The following CCSER1 variants were observed in gnomAD, a reference collection of about 807,000 sequenced individuals.
CCSER1 encodes serine-rich coiled-coil domain-containing protein 1.
CCSER1 carries 41 observed loss-of-function variants against 82.0 expected under a neutral mutation model. The observed-to-expected ratio is 0.50, with a 90% CI of 0.39 to 0.65. The LOEUF (loss-of-function observed/expected upper bound fraction) is 0.65. Ranked by LOEUF, CCSER1 falls within the 30% of genes least tolerant of loss-of-function variation. The pLI is 0.00. For synonymous variants in CCSER1, 414 were observed against 383.9 expected (o/e 1.08, Z -0.92); for missense variants, 1,119 against 1,064.2 (o/e 1.05, Z -0.72).
intron 10 of CCSER1, among the ~76,000 whole-genome samples, chr4:91,524,278 T>A (rs2110150522): frequency 6.6e-6 from 1 of 152,332 alleles, no homozygotes; most frequent in East Asian, 1.9e-4. Flanking sequence ...CATCTCTTTT[T>A]TTGAAGGAGT....
intron 8 of CCSER1, among the ~76,000 whole-genome samples, chr4:90,891,448 T>G (rs1476891655): frequency 2.6e-5 from 4 of 151,692 alleles, no homozygotes; most frequent in Admixed American, 2.6e-4. Flanking sequence ...ATCTAATTTT[T>G]AAATTATTTA....
chr4:91,526,735 C>G (rs903628542), intron 10 of CCSER1, among the ~76,000 whole-genome samples: 2 of 152,124 alleles, frequency 1.3e-5, no homozygotes, highest in Non-Finnish European at 2.9e-5. Flanking sequence ...GCTGGGATTA[C>G]AGGTGCCCGC....
In CCSER1 at chr4:90,341,057, G is replaced by A. The variant is rs1318932823; in HGVS notation, c.1509+28010G>A. The stretch of plus-strand genomic sequence containing the variant: ...GCTGTAAAGAGAGCTGTGATATAAT[G>A]TGGGAGAAATTGAAATTATTATAAA... On this transcript the variant is annotated intron_variant, in intron 3 of 10. Coordinates refer to ENST00000509176, the MANE Select transcript of CCSER1 (RefSeq NM_001145065.2). Among the ~76,000 whole-genome samples, 3 of 152,100 alleles carry A rather than the reference G, an allele frequency of 2.0e-5. No individual in the cohort carries two copies. In the East Asian group the frequency reaches 5.8e-4, roughly 29 times the overall value.
intron 5 of CCSER1, among the ~76,000 whole-genome samples, chr4:90,578,105 T>A (rs1353702047): frequency 6.6e-6 from 1 of 152,120 alleles, no homozygotes; most frequent in Non-Finnish European, 1.5e-5. Context: ...TCATACAACT[T>A]GGGAATAAAA....
intron 10 of CCSER1, among the ~76,000 whole-genome samples, chr4:91,103,659 T>G (rs995403717): frequency 1.4e-4 from 21 of 152,160 alleles, no homozygotes; most frequent in Non-Finnish European, 2.8e-4. Flanking sequence ...GTCTTTAATC[T>G]CTTAATCCTG....
chr4:90,842,051 A>G (rs1485795801), intron 8 of CCSER1, among the ~76,000 whole-genome samples: 2 of 152,118 alleles, frequency 1.3e-5, no homozygotes, highest in African/African-American at 4.8e-5. Context: ...ATTAAAAAAC[A>G]CAGCTTGGCA....
chr4:90,910,055 G>A (rs1407318081), intron 8 of CCSER1, among the ~76,000 whole-genome samples: 1 of 152,138 alleles, frequency 6.6e-6, no homozygotes, highest in East Asian at 1.9e-4. Context: ...TGCTCATGAT[G>A]GAAGGAGAAG....
intron 7 of CCSER1, among the ~76,000 whole-genome samples, chr4:90,795,094 G>C (rs1445407714): frequency 6.6e-6 from 1 of 152,012 alleles, no homozygotes; most frequent in African/African-American, 2.4e-5. Context: ...TTCGAGACCA[G>C]CCTGGCCAAC....
intron 8 of CCSER1, among the ~76,000 whole-genome samples, chr4:90,899,991 T>G (rs1294073432): frequency 6.6e-6 from 1 of 151,910 alleles, no homozygotes; most frequent in Non-Finnish European, 1.5e-5. Flanking sequence ...TCCCCCCTCC[T>G]TGTTTGTTTT....
chr4:90,361,059 T>C (rs937599193), intron 3 of CCSER1, among the ~76,000 whole-genome samples: 7 of 152,180 alleles, frequency 4.6e-5, no homozygotes, highest in Non-Finnish European at 1.0e-4. Flanking sequence ...TAGGTGACAT[T>C]ATCTAAACAT....
intron 9 of CCSER1, among the ~76,000 whole-genome samples, chr4:91,016,053 CTG>C (rs1713419384): frequency 6.6e-6 from 1 of 151,978 alleles, no homozygotes; most frequent in Non-Finnish European, 1.5e-5. Context: ...CACGAGTTCT[CTG>C]TCTACATTTA....
At chr4:91,237,383 T>TTA (rs200109064) in intron 10 of CCSER1, among the ~76,000 whole-genome samples, 156 of 150,214 alleles carry the variant, frequency 1.0e-3, no homozygotes, top group African/African-American at 2.9e-3. Context: ...AAATTTGCCT[T>TTA]TATATATATA....
rs547319138 is a variant in CCSER1 at position 91,488,020 on chromosome 4, T to C, written c.2218-110552T>C. On this transcript the variant is annotated intron_variant, in intron 10 of 10. Coordinates refer to ENST00000509176, the MANE Select transcript of CCSER1 (RefSeq NM_001145065.2). ...ATACGATCATTTGAAATGATTGTGA[T>C]TTAAGAAATATTTTATAGAAAGCAT... Among the ~76,000 whole-genome samples the C allele has an allele frequency of 9.2e-5, 14 of 152,220 alleles. No homozygotes were observed. In the South Asian group the frequency reaches 1.2e-3, roughly 14 times the overall value.
At chr4:90,868,386 C>T (rs977313796) in intron 8 of CCSER1, among the ~76,000 whole-genome samples, 2 of 152,012 alleles carry the variant, frequency 1.3e-5, no homozygotes, top group Admixed American at 1.3e-4. Context: ...CATCTTCCTA[C>T]TCTCTATCTC....
At chr4:91,224,807 A>T (rs569234064) in intron 10 of CCSER1, among the ~76,000 whole-genome samples, 3 of 151,416 alleles carry the variant, frequency 2.0e-5, no homozygotes, top group African/African-American at 7.3e-5. Context: ...CATTGTTACT[A>T]TTTTTTTTAA....
chr4:90,898,269 CT>C (rs70963094), intron 8 of CCSER1, among the ~76,000 whole-genome samples: 147 of 52,506 alleles, frequency 2.8e-3, no homozygotes, highest in African/African-American at 7.8e-3. Context: ...TTTAATCCAT[CT>C]TTTTTTTTTT....
intron 10 of CCSER1, among the ~76,000 whole-genome samples, chr4:91,171,839 A>G (rs1029383236): frequency 6.6e-6 from 1 of 151,270 alleles, no homozygotes; most frequent in African/African-American, 2.5e-5. Flanking sequence ...ACCATGAAAA[A>G]TAATAATTTT....
intron 10 of CCSER1, among the ~76,000 whole-genome samples, chr4:91,110,010 T>G (rs1340283284): frequency 6.6e-6 from 1 of 152,088 alleles, no homozygotes; most frequent in Non-Finnish European, 1.5e-5. Context: ...TTTTGGAGCT[T>G]CTTATACAAG....
intron 1 of CCSER1, among the ~76,000 whole-genome samples, chr4:90,133,067 T>C (rs1578127461): frequency 6.6e-6 from 1 of 152,184 alleles, no homozygotes; most frequent in East Asian, 1.9e-4. Context: ...CTCTGTGTGA[T>C]TCTTATGCAC....
Sources: gnomAD v4.1 joint callset for allele counts (sites outside exome capture counted in the v4.1 genomes callset) on GRCh38, gnomAD v4.1.1 for gene constraint, MANE v1.5 for transcripts, NCBI Gene and HGNC (gene_info 2026-07-23, HGNC 2026-07-21) for gene names.